DSG3: variants seen among roughly 807,000 people sequenced by gnomAD.
The protein encoded by DSG3 is desmoglein 3.
In DSG3, 63 loss-of-function variants were observed where a neutral mutation model predicts 85.9. That is an observed-to-expected ratio of 0.73 (90% CI 0.60 to 0.90). DSG3 has a LOEUF of 0.90. Ranked by LOEUF, DSG3 falls within the 40% of genes least tolerant of loss-of-function variation. The pLI, the probability that DSG3 is intolerant of heterozygous loss-of-function variation, is 0.00. For synonymous variants in DSG3, 447 were observed against 441.9 expected, an observed-to-expected ratio of 1.01 and a Z score of -0.14; for missense variants, 1,220 against 1,219.9, an observed-to-expected ratio of 1.00 and a Z score of 0.00.
chr18:31,463,669 G>A (rs757316552), intron 8 of DSG3, among the ~76,000 whole-genome samples: 1 of 152,122 alleles, frequency 6.6e-6, no homozygotes, highest in Non-Finnish European at 1.5e-5. Flanking sequence ...TTATAAGAAC[G>A]TATTAGGGGC....
intron 3 of DSG3, among the ~76,000 whole-genome samples, chr18:31,457,888 C>A (rs546376487): frequency 6.6e-6 from 1 of 152,010 alleles, no homozygotes; most frequent in Non-Finnish European, 1.5e-5. Flanking sequence ...CTCGGCCTCC[C>A]AAAGTGCTTG....
Position 31,458,623 on chromosome 18 carries a change from G to A in DSG3, c.372+23G>A, listed in dbSNP as rs773663177. On this transcript the variant is annotated intron_variant, in intron 4 of 15. Transcript: ENST00000257189. ...CTGGTAAGTTTGGGTCCTCAACATT[G>A]GGCTACCCTTCTCCTTGTATACCAT... is the stretch of plus-strand genomic sequence containing the variant. 3 of 1,603,398 alleles carry A rather than the reference G, an allele frequency of 1.9e-6. No individual in the cohort carries two copies. In the Admixed American group the frequency reaches 5.2e-5, roughly 28 times the overall value.
chr18:31,472,326 C>CT lies in DSG3; in HGVS notation c.1941dup (p.Thr648TyrfsTer13). 6.2e-7 allele frequency: 1 copy of CT among 1,614,086 alleles called. No homozygotes were observed. The highest frequency in any genetic ancestry group is 8.5e-7 in the Non-Finnish European group (1 of 1,179,968). ...TTGACCTGTGACTGTGGGGCAGGTT[C>CT]TACTGGGGGAGTGACAGGTGGTTTT... is the stretch of plus-strand genomic sequence containing the variant. On this transcript the variant is annotated frameshift_variant, in exon 13 of 16. Coordinates refer to ENST00000257189, the MANE Select transcript of DSG3 (RefSeq NM_001944.3). LOFTEE classifies it high-confidence loss of function.
chr18:31,476,156 A>T lies in DSG3; in HGVS notation c.2896A>T (p.Ile966Phe), dbSNP rs757136047. ...AAATGTGATAGTGACAGAAAGGGTGATCTGTCCCATTTCCAGTGTTCCTGG... is the reference window on the plus strand; with the variant it reads ...AAATGTGATAGTGACAGAAAGGGTGTTCTGTCCCATTTCCAGTGTTCCTGG... The part of the protein sequence containing the change: ...TQNVIVTERV[I>F]CPISSVPGNL... Residue 966 changes from isoleucine to phenylalanine, a missense_variant, in exon 16 of 16, where the codon ATC becomes TTC. Ile to Phe is a conservative substitution (Grantham distance 21). Coordinates refer to ENST00000257189, the MANE Select transcript of DSG3 (RefSeq NM_001944.3). The T allele has an allele frequency of 7.4e-6, 12 of 1,614,074 alleles. No individual in the cohort carries two copies. In the African/African-American group the frequency reaches 1.5e-4, roughly 20 times the overall value.
Position 31,459,837 on chromosome 18 carries a change from A to G in DSG3, c.518-8A>G, listed in dbSNP as rs2072772484. The G allele has an allele frequency of 6.2e-7, 1 of 1,606,448 alleles. No homozygotes were observed. The highest frequency in any genetic ancestry group is 1.7e-5 in the Admixed American group (1 of 58,662). On this transcript the variant is annotated splice_polypyrimidine_tract_variant and splice_region_variant and intron_variant, in intron 5 of 15. Transcript: ENST00000257189. ...TATTCTTTAATAAACGTTTTCCTGT[A>G]TTCCTAGACTCACTGGTGATGATAC... is the stretch of plus-strand genomic sequence containing the variant.
chr18:31,461,990 C>T (rs927136400), intron 8 of DSG3, among the ~76,000 whole-genome samples: 1 of 152,108 alleles, frequency 6.6e-6, no homozygotes, highest in Non-Finnish European at 1.5e-5. Context: ...TGGGCCCCTT[C>T]CTTGGTACAG....
In DSG3 at chr18:31,460,907, T is replaced by C; in HGVS notation, c.759T>C (p.Cys253=). ...AAGGACTATCAACTCAATGTGAATG[T>C]AATATTAAAGTGAAAGATGTCAACG... is the stretch of plus-strand genomic sequence containing the variant. ...DGEGLSTQCE[C]NIKVKDVNDN... The change falls in exon 7 of 16, where the codon TGT becomes TGC. Residue 253 remains cysteine, a synonymous_variant. Coordinates refer to ENST00000257189, the MANE Select transcript of DSG3 (RefSeq NM_001944.3). 1 of 1,605,370 alleles carries C rather than the reference T, an allele frequency of 6.2e-7. No homozygotes were observed. The highest frequency in any genetic ancestry group is 8.5e-7 in the Non-Finnish European group (1 of 1,177,330).
At chr18:31,472,539 C>T (rs975037190) in intron 13 of DSG3, 116 bp downstream of exon 13, 1 of 1,337,274 alleles carries the variant, frequency 7.5e-7, no homozygotes, top group Non-Finnish European at 1.0e-6. Context: ...AGAGTCAGTG[C>T]TGAATAGATG....
intron 8 of DSG3, among the ~76,000 whole-genome samples, chr18:31,462,070 G>A (rs1010202367): frequency 4.6e-5 from 7 of 151,550 alleles, no homozygotes; most frequent in Admixed American, 2.0e-4. Flanking sequence ...TGGTGTTTTT[G>A]TTTTTGTTTT....
Position 31,458,609 on chromosome 18 carries a change from G to C in DSG3, c.372+9G>C, listed in dbSNP as rs773918588. On this transcript the variant is annotated intron_variant, in intron 4 of 15. Transcript: ENST00000257189. ...AAACTCCAAGCTTCCTGGTAAGTTT[G>C]GGTCCTCAACATTGGGCTACCCTTC... is the stretch of plus-strand genomic sequence containing the variant. 2 of 1,611,192 alleles carry C rather than the reference G, an allele frequency of 1.2e-6. No homozygotes were observed. Among genetic ancestry groups the C allele is most frequent in the South Asian group, 2.2e-5 (2 of 90,640 alleles).
chr18:31,464,577 A>G (rs987602212), intron 9 of DSG3, among the ~76,000 whole-genome samples, 195 bp downstream of exon 9: 112 of 152,186 alleles, frequency 7.4e-4, no homozygotes, highest in African/African-American at 2.7e-3. Context: ...AGCAAAGATA[A>G]CATAAGCACA....
chr18:31,464,881 A>G (rs1277236253), intron 9 of DSG3, among the ~76,000 whole-genome samples: 1 of 152,304 alleles, frequency 6.6e-6, no homozygotes, highest in East Asian at 1.9e-4. Context: ...TCACACCTGT[A>G]ATCCCAGCAC....
rs749401770 is a variant in DSG3, at chr18:31,477,831, A to C, written c.*1571A>C. ...CTTAGCTGATCACAAGATCATTATC[A>C]GCCTCCATTATTCCTTACTGTATAT... is the stretch of plus-strand genomic sequence containing the variant. On this transcript the variant is annotated 3_prime_UTR_variant, in exon 16 of 16. Coordinates refer to ENST00000257189, the MANE Select transcript of DSG3 (RefSeq NM_001944.3). 1.3e-5 allele frequency: 2 copies of C among 152,236 alleles called. No individual in the cohort carries two copies. The highest frequency in any genetic ancestry group is 2.4e-5 in the African/African-American group (1 of 41,452). The allele number at this position is 152,236 out of a possible 1,614,324, so 9.4% of individuals were successfully genotyped here.
intron 1 of DSG3, among the ~76,000 whole-genome samples, chr18:31,452,708 T>TTATTCCTA (rs1356466093): frequency 1.3e-5 from 2 of 152,148 alleles, no homozygotes; most frequent in African/African-American, 4.8e-5. Flanking sequence ...AAATTAATTT[T>TTATTCCTA]TATTCCTATT....
At chr18:31,448,111 C>T (rs1483272666) in intron 1 of DSG3, among the ~76,000 whole-genome samples, 186 bp downstream of exon 1, 1 of 151,986 alleles carries the variant, frequency 6.6e-6, no homozygotes, top group Non-Finnish European at 1.5e-5. Context: ...TTGTATTTTA[C>T]ATAGAAAAAT....
rs368607247 is a variant in DSG3, at chr18:31,462,112, A to G, written c.999+700A>G. On this transcript the variant is annotated intron_variant, in intron 8 of 15. Coordinates refer to ENST00000257189, the MANE Select transcript of DSG3 (RefSeq NM_001944.3). ...TTTTGAGACAAGGTCTCACTCTGTC[A>G]TCTAGGCAAGAGTGCAGTGATGTGA... Among the ~76,000 whole-genome samples, 57 of 144,714 alleles carry G rather than the reference A, an allele frequency of 3.9e-4. 1 individual carries two copies. Among genetic ancestry groups the G allele is most frequent in the African/African-American group, 1.5e-3 (56 of 37,098 alleles). The allele number at this position is 144,714 out of a possible 152,430, so 94.9% of individuals were successfully genotyped here.
chr18:31,457,112 C>A lies in DSG3; in HGVS notation c.204C>A (p.Asn68Lys). ...CREGEDNSKR[N>K]PIAKITSDYQ... Reference sequence around the variant, plus strand: ...AAGGAGAAGATAACTCAAAAAGAAACCCAATTGCCAAGGTAAGTTATATCA... The same window carrying A: ...AAGGAGAAGATAACTCAAAAAGAAAACCAATTGCCAAGGTAAGTTATATCA... The change falls in exon 3 of 16, where the codon AAC (asparagine) becomes AAA (lysine). Residue 68 changes from asparagine to lysine, a missense_variant. By Grantham distance (94) the Asn-to-Lys change is moderately conservative. Transcript: ENST00000257189. 6.2e-7 allele frequency: 1 copy of A among 1,611,646 alleles called. No individual in the cohort carries two copies. Among genetic ancestry groups the A allele is most frequent in the Non-Finnish European group, 8.5e-7 (1 of 1,179,208 alleles).
At chr18:31,448,648 C>T (rs1329759766) in intron 1 of DSG3, among the ~76,000 whole-genome samples, 2 of 134,708 alleles carry the variant, frequency 1.5e-5, no homozygotes, top group Admixed American at 1.4e-4. Flanking sequence ...TAACTGTGTT[C>T]TTATAGCAAA....
intron 2 of DSG3, 69 bp from the exon 3 acceptor site, chr18:31,456,924 C>T (rs946258797): frequency 2.0e-6 from 3 of 1,522,044 alleles, no homozygotes; most frequent in Non-Finnish European, 2.7e-6. Context: ...AACTAGGTGT[C>T]TGTAATCAAT....
Sources: allele counts gnomAD v4.1 joint callset (sites outside exome capture counted in the v4.1 genomes callset), GRCh38; gene constraint gnomAD v4.1.1; transcripts MANE v1.5; gene names NCBI Gene and HGNC (gene_info 2026-07-23, HGNC 2026-07-21).